The following NEBL variants were observed in gnomAD, a reference collection of about 807,000 sequenced individuals.
The protein encoded by NEBL is LIM and SH3 protein 2.
NEBL carries 122 observed loss-of-function variants against 140.2 expected under a neutral mutation model. The observed-to-expected ratio is 0.87, with a 90% CI of 0.75 to 1.01. The LOEUF (loss-of-function observed/expected upper bound fraction) is 1.01, where lower values mean the gene tolerates loss of function less well. Ranked by LOEUF, NEBL falls within the 50% of genes least tolerant of loss-of-function variation. NEBL has a pLI of 0.00. For synonymous variants in NEBL, 436 were observed against 398.9 expected, an observed-to-expected ratio of 1.09 and a Z score of -1.11; for missense variants, 1,365 against 1,231.3, an observed-to-expected ratio of 1.11 and a Z score of -1.62.
At chr10:21,169,420 A>T (rs1840981471) in intron 2 of NEBL, among the ~76,000 whole-genome samples, 1 of 152,138 alleles carries the variant, frequency 6.6e-6, no homozygotes, top group Admixed American at 6.5e-5. Context: ...CGGAGAAATT[A>T]TGGCGGCCCT....
chr10:21,061,146 T>C (rs1481805198), intron 2 of NEBL, among the ~76,000 whole-genome samples: 3 of 151,682 alleles, frequency 2.0e-5, no homozygotes, highest in Non-Finnish European at 4.4e-5. Context: ...CCCTTTTTTA[T>C]ATATGATACA....
At chr10:21,023,975 G>A (rs1589146386) in intron 2 of NEBL, among the ~76,000 whole-genome samples, 1 of 151,144 alleles carries the variant, frequency 6.6e-6, no homozygotes, top group African/African-American at 2.4e-5. Flanking sequence ...AAGGGTGATA[G>A]AACTTATAAA....
At chr10:21,090,722 G>A (rs896332862) in intron 2 of NEBL, among the ~76,000 whole-genome samples, 9 of 152,210 alleles carry the variant, frequency 5.9e-5, no homozygotes, top group Admixed American at 1.3e-4. Flanking sequence ...CTGAATGGCC[G>A]CCCTATCGCC....
intron 2 of NEBL, among the ~76,000 whole-genome samples, chr10:21,032,607 G>A (rs945685896): frequency 5.9e-5 from 9 of 152,136 alleles, no homozygotes; most frequent in Non-Finnish European, 1.0e-4. Flanking sequence ...ATTAGAGCAC[G>A]TAAATGGGGA....
chr10:21,179,848 G>A (rs186269557), upstream of NEBL, among the ~76,000 whole-genome samples: 3 of 152,210 alleles, frequency 2.0e-5, no homozygotes, highest in African/African-American at 7.2e-5. Context: ...AACTAGAAAT[G>A]GCAAGGAGGC....
intron 2 of NEBL, among the ~76,000 whole-genome samples, chr10:21,148,275 C>G (rs75829958): frequency 0.026 from 4,001 of 152,274 alleles, 187 homozygotes; most frequent in African/African-American, 0.091. Context: ...TGGTTTCCAT[C>G]CACGTTCATG....
rs1016601551 is a variant in NEBL at position 20,780,153 on chromosome 10, C to T, written c.*5594G>A. The T allele has an allele frequency of 2.6e-5, 4 of 152,042 alleles. No homozygotes were observed. Among genetic ancestry groups the T allele is most frequent in the African/African-American group, 7.2e-5 (3 of 41,400 alleles). 9.4% of individuals were successfully genotyped at this position (152,042 alleles called of 1,614,324 possible). A position where few individuals can be genotyped will look rare whatever the true frequency, so the allele number is the denominator to read the frequency against. ...GACTCACTTTTTCAATTATGGGAAG[C>T]GTAGTGGGGGGAGAAAAGCAATTGT... On this transcript the variant is annotated 3_prime_UTR_variant, in exon 28 of 28. Transcript: ENST00000377122.
In NEBL at chr10:21,173,976, C is replaced by T. The variant is rs985455497; in HGVS notation, c.-143G>A. ...CGCCGGGTAGGGAGTCGGCGCCGGGCCACGGGTGAGTGCACGGGGAGGGCG... is the reference window on the plus strand; with the variant it reads ...CGCCGGGTAGGGAGTCGGCGCCGGGTCACGGGTGAGTGCACGGGGAGGGCG... On this transcript the variant is annotated 5_prime_UTR_variant, in exon 1 of 7. Transcript: ENST00000417816. The surrounding 1 kb of genome is among the most constrained non-coding windows in gnomAD (Gnocchi z 5.7). 3 of 1,343,632 alleles carry T rather than the reference C, an allele frequency of 2.2e-6. No individual in the cohort carries two copies. In the African/African-American group the frequency reaches 4.7e-5, roughly 21 times the overall value. 83.2% of individuals were successfully genotyped at this position (1,343,632 alleles called of 1,614,324 possible).
chr10:21,171,645 G>A (rs1841080514), intron 2 of NEBL: 1 of 152,522 alleles, frequency 6.6e-6, no homozygotes, highest in Admixed American at 6.5e-5. Flanking sequence ...AAGATTAAAT[G>A]ATCAGTATGC....
intron 3 of NEBL, among the ~76,000 whole-genome samples, chr10:21,199,165 C>T (rs981844087): frequency 5.3e-5 from 8 of 151,556 alleles, no homozygotes; most frequent in Non-Finnish European, 7.4e-5. Context: ...GCTGGGACGA[C>T]GGGTGTGAGC....
intron 2 of NEBL, chr10:21,125,776 A>T: frequency 1.4e-6 from 2 of 1,423,262 alleles, no homozygotes; most frequent in South Asian, 2.6e-5. Flanking sequence ...GGCTCATTTA[A>T]AATTTTATTG....
chr10:21,176,296 CCCAG>C (rs1841299556), upstream of NEBL, among the ~76,000 whole-genome samples: 1 of 152,150 alleles, frequency 6.6e-6, no homozygotes. Context: ...TGGCACCACA[CCCAG>C]ATACATTTTA....
intron 4 of NEBL, among the ~76,000 whole-genome samples, chr10:20,929,042 G>T (rs1234704694): frequency 6.6e-6 from 1 of 151,626 alleles, no homozygotes; most frequent in Non-Finnish European, 1.5e-5. Flanking sequence ...CTTCCACCAG[G>T]CCTCTAAAGG....
intron 9 of NEBL, among the ~76,000 whole-genome samples, chr10:20,852,923 C>T (rs703090): frequency 3.3e-5 from 5 of 152,212 alleles, no homozygotes; most frequent in African/African-American, 1.2e-4. Flanking sequence ...ACAACACCAG[C>T]GTGTGGCAAC....
intron 3 of NEBL, among the ~76,000 whole-genome samples, chr10:20,966,945 T>C (rs776088657): frequency 1.1e-4 from 16 of 152,122 alleles, no homozygotes; most frequent in Admixed American, 6.5e-4. Flanking sequence ...ATAACACTAA[T>C]TGGAGATTAT....
intron 2 of NEBL, among the ~76,000 whole-genome samples, chr10:21,118,436 G>T (rs377153614): frequency 9.9e-5 from 15 of 152,020 alleles, no homozygotes; most frequent in Non-Finnish European, 1.9e-4. Context: ...TACTTAAAAA[G>T]AAACCTAAAT....
At chr10:21,149,288 T>C (rs1437391396) in intron 2 of NEBL, among the ~76,000 whole-genome samples, 1 of 151,444 alleles carries the variant, frequency 6.6e-6, no homozygotes, top group Admixed American at 6.6e-5. Context: ...TTTGCAATAG[T>C]CTTTCTTTTT....
At position 20,810,476 on chromosome 10, in the gene NEBL, G is replaced by C. The variant is rs181150650; in HGVS notation, c.2519-578C>G. The stretch of plus-strand genomic sequence containing the variant: ...GAGTGCAAGCTAAGTGTATCTTAGG[G>C]AATGCATATCTTATTAGATACACTT... On this transcript the variant is annotated intron_variant, in intron 24 of 27. Coordinates refer to ENST00000377122, the MANE Select transcript of NEBL (RefSeq NM_006393.3). Among the ~76,000 whole-genome samples, 587 of 152,312 alleles carry C rather than the reference G, an allele frequency of 3.9e-3. 4 individuals are homozygous for C. Among genetic ancestry groups the C allele is most frequent in the African/African-American group, 0.014 (563 of 41,562 alleles).
intron 2 of NEBL, among the ~76,000 whole-genome samples, chr10:21,106,813 T>C (rs951786680): frequency 1.4e-4 from 21 of 152,064 alleles, no homozygotes; most frequent in African/African-American, 4.8e-4. Context: ...TCTTCCTATC[T>C]ATGAGCATGG....
Sources: allele counts gnomAD v4.1 joint callset (sites outside exome capture counted in the v4.1 genomes callset), GRCh38; gene constraint gnomAD v4.1.1; non-coding constraint Gnocchi (gnomAD v3.1); transcripts MANE v1.5; gene names NCBI Gene and HGNC (gene_info 2026-07-23, HGNC 2026-07-21).